Variants in ARL14EPL observed in about 807,000 individuals in gnomAD.
The protein encoded by ARL14EPL is ARL14 effector protein-like.
A neutral mutation model predicts 15.9 loss-of-function variants in ARL14EPL; 17 were observed. That is an observed-to-expected ratio of 1.07 (90% CI 0.73 to 1.60). ARL14EPL has a LOEUF of 1.60. Among genes scored for constraint, ARL14EPL ranks in the 40% most tolerant of loss-of-function variants. The pLI is 0.00. For synonymous variants in ARL14EPL, 78 were observed against 63.8 expected, an observed-to-expected ratio of 1.22 and a Z score of -1.06; for missense variants, 214 against 185.9, an observed-to-expected ratio of 1.15 and a Z score of -0.88.
intron 1 of ARL14EPL, among the ~76,000 whole-genome samples, chr5:116,037,272 A>G (rs1010415023): frequency 6.6e-6 from 1 of 152,238 alleles, no homozygotes; most frequent in Non-Finnish European, 1.5e-5. Flanking sequence ...TTTGAAACAC[A>G]TGGACTATAT....
chr5:116,051,288 G>T, intron 1 of ARL14EPL, 169 bp from the exon 2 acceptor site: 1 of 537,542 alleles, frequency 1.9e-6, no homozygotes, highest in Admixed American at 3.5e-5. Flanking sequence ...GTCTGGGGGA[G>T]TCAGAGGCAA....
At chr5:116,050,510 GAGC>G (rs745904630) in intron 1 of ARL14EPL, among the ~76,000 whole-genome samples, 3 of 152,144 alleles carry the variant, frequency 2.0e-5, no homozygotes, top group Non-Finnish European at 4.4e-5. Flanking sequence ...CCACTGTCGA[GAGC>G]AGTTTGGAGA....
chr5:116,058,856 A>C lies in ARL14EPL; in HGVS notation c.368A>C (p.Glu123Ala). 6.5e-7 allele frequency: 1 copy of C among 1,535,888 alleles called. No individual in the cohort carries two copies. Among genetic ancestry groups the C allele is most frequent in the Non-Finnish European group, 8.7e-7 (1 of 1,146,718 alleles). ...PKCNSNKCGP[E>A]CRCNRRWVYD... ...TGTAACTCCAACAAGTGTGGGCCCG[A>C]GTGCCGCTGCAACCGACGGTGGGTT... The change falls in exon 4 of 4, where the codon GAG becomes GCG. Residue 123 changes from glutamate to alanine, a missense_variant. Glu to Ala is a moderately radical substitution (Grantham distance 107). Transcript: ENST00000686077.
chr5:116,044,046 T>C (rs190563588), intron 1 of ARL14EPL, among the ~76,000 whole-genome samples: 2 of 152,338 alleles, frequency 1.3e-5, no homozygotes, highest in African/African-American at 4.8e-5. Flanking sequence ...TTTTTAATTA[T>C]GCAAAATTTG....
rs78578537 is a variant in ARL14EPL at position 116,047,188 on chromosome 5, T to C, written c.-9-4269T>C. ...TATAGTGACTTTCTTCAGAATCCAA[T>C]CCTGAAGTCAGATGTGGCTCATGTG... On this transcript the variant is annotated intron_variant, in intron 1 of 3. Transcript: ENST00000686077. Among the ~76,000 whole-genome samples, 477 of 152,346 alleles carry C rather than the reference T, an allele frequency of 3.1e-3. 3 individuals carry two copies. The highest frequency in any genetic ancestry group is 0.011 in the African/African-American group (472 of 41,576).
chr5:116,047,142 A>G (rs1210044754), intron 1 of ARL14EPL, among the ~76,000 whole-genome samples: 4 of 152,226 alleles, frequency 2.6e-5, no homozygotes, highest in South Asian at 2.1e-4. Flanking sequence ...ATATTTTGTT[A>G]TAGCAGCCTG....
chr5:116,046,048 G>C (rs1749261800), intron 1 of ARL14EPL, among the ~76,000 whole-genome samples: 1 of 152,134 alleles, frequency 6.6e-6, no homozygotes, highest in African/African-American at 2.4e-5. Context: ...CTCTCTACCA[G>C]ATATGCCCCT....
At chr5:116,035,893 C>T (rs929485647) in intron 1 of ARL14EPL, among the ~76,000 whole-genome samples, 3 of 152,156 alleles carry the variant, frequency 2.0e-5, no homozygotes, top group South Asian at 2.1e-4. Flanking sequence ...CAGCCACTGC[C>T]GGAAGGAAAA....
At position 116,059,144 on chromosome 5, in the gene ARL14EPL, C is replaced by G; in HGVS notation, c.*197C>G. On this transcript the variant is annotated 3_prime_UTR_variant, in exon 4 of 4. Coordinates refer to ENST00000686077, the MANE Select transcript of ARL14EPL (RefSeq NM_001195581.2). ...AACTGTGTCAACAATTTTCAAGTCC[C>G]TTAACTTGCAACCAAAGAATGTAAC... is the stretch of plus-strand genomic sequence containing the variant. 1.7e-6 allele frequency: 1 copy of G among 591,572 alleles called. No individual in the cohort carries two copies. The highest frequency in any genetic ancestry group is 2.1e-5 in the South Asian group (1 of 47,974). The allele number at this position is 591,572 out of a possible 1,614,324, so 36.6% of individuals were successfully genotyped here. A position where few individuals can be genotyped will look rare whatever the true frequency, so the allele number is the denominator to read the frequency against.
chr5:116,051,811 G>T, intron 2 of ARL14EPL: 2 of 848,822 alleles, frequency 2.4e-6, no homozygotes, highest in Admixed American at 2.8e-5. Context: ...ATAAAATTCT[G>T]CTTTTTGTGG....
intron 3 of ARL14EPL, among the ~76,000 whole-genome samples, chr5:116,058,133 C>T (rs900668593): frequency 6.6e-6 from 1 of 152,180 alleles, no homozygotes; most frequent in African/African-American, 2.4e-5. Flanking sequence ...CACCTCCTTT[C>T]TCCCTCCTCA....
intron 1 of ARL14EPL, among the ~76,000 whole-genome samples, chr5:116,037,099 G>A (rs1054683538): frequency 6.6e-6 from 1 of 152,108 alleles, no homozygotes; most frequent in Admixed American, 6.5e-5. Flanking sequence ...AGTATAGCCA[G>A]TTCTTGACTA....
chr5:116,044,694 C>T (rs78689867), intron 1 of ARL14EPL, among the ~76,000 whole-genome samples: 2,406 of 151,956 alleles, frequency 0.016, 56 homozygotes, highest in African/African-American at 0.054. Context: ...CTCTCATAAT[C>T]CGATTTCATA....
chr5:116,058,052 T>C (rs530877271), intron 3 of ARL14EPL, among the ~76,000 whole-genome samples: 23 of 152,236 alleles, frequency 1.5e-4, no homozygotes, highest in Middle Eastern at 6.3e-3. Context: ...GTCTGGACTC[T>C]GGGCTCTCCT....
In ARL14EPL at chr5:116,040,365, A is replaced by G. The variant is rs376771180; in HGVS notation, c.-10+7860A>G. Among the ~76,000 whole-genome samples the G allele has an allele frequency of 1.3e-4, 19 of 151,676 alleles. No individual in the cohort carries two copies. The East Asian group carries it at 3.7e-3, about 30-fold the overall frequency. On this transcript the variant is annotated intron_variant, in intron 1 of 3. Coordinates refer to ENST00000686077, the MANE Select transcript of ARL14EPL (RefSeq NM_001195581.2). ...TAATAGAAATTATAGCCATTTGGCTATAATCGAAATTAATAGAAATTATAG... is the reference window on the plus strand; with the variant it reads ...TAATAGAAATTATAGCCATTTGGCTGTAATCGAAATTAATAGAAATTATAG...
chr5:116,051,981 G>T (rs536012498), intron 2 of ARL14EPL: 412 of 1,611,678 alleles, frequency 2.6e-4, no homozygotes, highest in Admixed American at 4.0e-4. Flanking sequence ...TGAGCTCTGT[G>T]CTTTGAAACC....
At chr5:116,050,999 A>C (rs1749364661) in intron 1 of ARL14EPL, 1 of 152,486 alleles carries the variant, frequency 6.6e-6, no homozygotes, top group Admixed American at 6.5e-5. Flanking sequence ...TTGAGTGAGG[A>C]GATCAAGGCT....
At chr5:116,043,017 C>A (rs1483351668) in intron 1 of ARL14EPL, among the ~76,000 whole-genome samples, 1 of 151,886 alleles carries the variant, frequency 6.6e-6, no homozygotes, top group Admixed American at 6.6e-5. Flanking sequence ...TGGGGATGTA[C>A]TATAGTTTTT....
chr5:116,041,372 C>G (rs2112669528), intron 1 of ARL14EPL, among the ~76,000 whole-genome samples: 1 of 152,258 alleles, frequency 6.6e-6, no homozygotes, highest in Admixed American at 6.5e-5. Flanking sequence ...GCCAGTTCTA[C>G]AAGGAAGTTT....
Sources: allele counts gnomAD v4.1 joint callset (sites outside exome capture counted in the v4.1 genomes callset), GRCh38; gene constraint gnomAD v4.1.1; transcripts MANE v1.5; gene names NCBI Gene and HGNC (gene_info 2026-07-23, HGNC 2026-07-21).